ENOX1: variants seen among roughly 807,000 people sequenced by gnomAD.
The protein encoded by ENOX1 is candidate growth-related and time keeping constitutive hydroquinone (NADH) oxidase.
Under a neutral mutation model 82.5 loss-of-function variants are expected in ENOX1, and 42 were observed. That is an observed-to-expected ratio of 0.51 (90% CI 0.40 to 0.66). ENOX1 has a LOEUF of 0.66. Among genes scored for constraint, ENOX1 ranks in the 30% least tolerant of loss-of-function variants. The pLI, the probability that ENOX1 is intolerant of heterozygous loss-of-function variation, is 0.00. For synonymous variants in ENOX1, 271 were observed against 282.2 expected (o/e 0.96, Z 0.40); for missense variants, 608 against 811.6 (o/e 0.75, Z 3.05).
chr13:43,772,642 G>A (rs538342313), intron 1 of ENOX1, among the ~76,000 whole-genome samples: 5 of 151,930 alleles, frequency 3.3e-5, no homozygotes, highest in South Asian at 2.1e-4. Flanking sequence ...CCAGCTACTC[G>A]GGAGGCTGAG....
chr13:43,621,735 G>A (rs2082740163), intron 2 of ENOX1, among the ~76,000 whole-genome samples: 1 of 152,124 alleles, frequency 6.6e-6, no homozygotes, highest in Non-Finnish European at 1.5e-5. Flanking sequence ...GTGCCTAGAT[G>A]AATATCTGTT....
intron 2 of ENOX1, among the ~76,000 whole-genome samples, chr13:43,557,655 A>T (rs2079499156): frequency 6.6e-6 from 1 of 152,028 alleles, no homozygotes; most frequent in African/African-American, 2.4e-5. Context: ...CAGGAGATTC[A>T]TTTTGTGTGG....
At chr13:43,513,168 G>A (rs1199547769) in intron 2 of ENOX1, among the ~76,000 whole-genome samples, 2 of 152,116 alleles carry the variant, frequency 1.3e-5, no homozygotes, top group Non-Finnish European at 2.9e-5. Flanking sequence ...AATTAGCTGG[G>A]TGTGCTGGTG....
intron 2 of ENOX1, among the ~76,000 whole-genome samples, chr13:43,643,623 A>G (rs948139616): frequency 6.8e-6 from 1 of 146,750 alleles, no homozygotes; most frequent in Admixed American, 7.1e-5. Context: ...ATATGTATGT[A>G]TGTGTGTGTG....
At chr13:43,535,697 G>T (rs1312691204) in intron 2 of ENOX1, among the ~76,000 whole-genome samples, 1 of 151,978 alleles carries the variant, frequency 6.6e-6, no homozygotes, top group Non-Finnish European at 1.5e-5. Context: ...GTATTTTTGG[G>T]ATTTGTCAGG....
At chr13:43,380,962 A>G (rs572892831) in intron 5 of ENOX1, among the ~76,000 whole-genome samples, 66 of 152,010 alleles carry the variant, frequency 4.3e-4, no homozygotes, top group African/African-American at 1.6e-3. Context: ...ATTAACAGTC[A>G]GAAATTTCAA....
At chr13:43,293,625 C>T (rs573119288) in intron 12 of ENOX1, among the ~76,000 whole-genome samples, 1 of 152,280 alleles carries the variant, frequency 6.6e-6, no homozygotes, top group East Asian at 1.9e-4. Flanking sequence ...GAATTGAGTG[C>T]AAGCTTTTCT....
At chr13:43,700,375 G>C (rs1411944784) in intron 1 of ENOX1, among the ~76,000 whole-genome samples, 14 of 152,270 alleles carry the variant, frequency 9.2e-5, no homozygotes, top group African/African-American at 2.9e-4. Flanking sequence ...TTTCTGAAAA[G>C]AGTCTGGTAG....
intron 5 of ENOX1, among the ~76,000 whole-genome samples, chr13:43,365,807 G>A (rs932701692): frequency 2.3e-4 from 35 of 152,200 alleles, no homozygotes; most frequent in Admixed American, 1.9e-3. Flanking sequence ...AGAATGCAGG[G>A]CTCCAGAGCC....
At chr13:43,418,053 A>G (rs1040379267) in intron 3 of ENOX1, among the ~76,000 whole-genome samples, 1 of 152,052 alleles carries the variant, frequency 6.6e-6, no homozygotes. Flanking sequence ...TACTAAAAAT[A>G]CAAAAATTAG....
intron 1 of ENOX1, among the ~76,000 whole-genome samples, chr13:43,744,071 G>A: frequency 6.6e-6 from 1 of 152,108 alleles, no homozygotes. Flanking sequence ...GTTGGTGATG[G>A]GGCTTCCAAC....
chr13:43,380,581 C>G (rs2051971588), intron 5 of ENOX1, among the ~76,000 whole-genome samples: 1 of 151,414 alleles, frequency 6.6e-6, no homozygotes, highest in Non-Finnish European at 1.5e-5. Flanking sequence ...TAAATATAAA[C>G]AGTCTAAATA....
chr13:43,393,585 G>A (rs2052938841), intron 5 of ENOX1, among the ~76,000 whole-genome samples: 1 of 149,442 alleles, frequency 6.7e-6, no homozygotes, highest in African/African-American at 2.5e-5. Flanking sequence ...ACGACAGGTG[G>A]GTGGATGGAT....
intron 5 of ENOX1, among the ~76,000 whole-genome samples, chr13:43,382,828 C>T (rs1435468573): frequency 6.6e-6 from 1 of 152,034 alleles, no homozygotes; most frequent in African/African-American, 2.4e-5. Context: ...TACTTTAGGT[C>T]ATAGGTAAAA....
intron 2 of ENOX1, among the ~76,000 whole-genome samples, chr13:43,577,294 A>G (rs1002955280): frequency 4.6e-5 from 7 of 151,892 alleles, no homozygotes; most frequent in Admixed American, 4.6e-4. Flanking sequence ...ACCACACCCG[A>G]CTAATTTTTG....
chr13:43,549,720 T>C (rs2079110831), intron 2 of ENOX1, among the ~76,000 whole-genome samples: 1 of 152,218 alleles, frequency 6.6e-6, no homozygotes. Flanking sequence ...CTGAGCCTAA[T>C]GCTCTTATGG....
At chr13:43,746,127 T>C (rs1031860563) in intron 1 of ENOX1, among the ~76,000 whole-genome samples, 1 of 152,134 alleles carries the variant, frequency 6.6e-6, no homozygotes, top group Non-Finnish European at 1.5e-5. Context: ...AAAATACATA[T>C]GGTATAATCA....
At chr13:43,384,679 G>A (rs2052293961) in intron 5 of ENOX1, among the ~76,000 whole-genome samples, 1 of 152,180 alleles carries the variant, frequency 6.6e-6, no homozygotes. Flanking sequence ...AAGGCATTCA[G>A]GAGAAAACAA....
At chr13:43,523,941 C>A (rs896125549) in intron 2 of ENOX1, among the ~76,000 whole-genome samples, 5 of 152,048 alleles carry the variant, frequency 3.3e-5, no homozygotes, top group Non-Finnish European at 7.4e-5. Context: ...AAGAAGGTAC[C>A]ACACTTAATT....
Sources: allele counts gnomAD v4.1 joint callset (sites outside exome capture counted in the v4.1 genomes callset), GRCh38; gene constraint gnomAD v4.1.1; transcripts MANE v1.5; gene names NCBI Gene and HGNC (gene_info 2026-07-23, HGNC 2026-07-21).